The following MAP3K20 variants were observed in gnomAD, a reference collection of about 807,000 sequenced individuals.
MAP3K20 encodes the protein mitogen-activated protein kinase kinase kinase 20.
A neutral mutation model predicts 85.7 loss-of-function variants in MAP3K20; 40 were observed. The observed-to-expected ratio is 0.47, with a 90% CI of 0.36 to 0.61. The LOEUF is 0.61. Ranked by LOEUF, MAP3K20 falls within the 20% of genes least tolerant of loss-of-function variation. MAP3K20 has a pLI of 0.00. For missense variants in MAP3K20, 817 were observed against 961.7 expected (o/e 0.85, Z 1.99); for synonymous variants, 325 against 327.7 (o/e 0.99, Z 0.09).
At chr2:173,213,469 G>C (rs1033230980) in intron 10 of MAP3K20, among the ~76,000 whole-genome samples, 8 of 152,198 alleles carry the variant, frequency 5.3e-5, no homozygotes, top group African/African-American at 1.9e-4. Flanking sequence ...AAACAGGACT[G>C]TAATAGTAAT....
intron 16 of MAP3K20, among the ~76,000 whole-genome samples, chr2:173,257,184 C>T (rs1335001019): frequency 6.6e-6 from 1 of 151,948 alleles, no homozygotes; most frequent in Non-Finnish European, 1.5e-5. Flanking sequence ...TTTTAATAAT[C>T]ACTATAAAAT....
chr2:173,110,658 T>G (rs1307183721), intron 2 of MAP3K20, among the ~76,000 whole-genome samples: 1 of 152,028 alleles, frequency 6.6e-6, no homozygotes, highest in Non-Finnish European at 1.5e-5. Flanking sequence ...CACATATCAG[T>G]GAGAATATAT....
intron 2 of MAP3K20, among the ~76,000 whole-genome samples, chr2:173,156,941 A>C (rs1866635): frequency 0.99 from 151,020 of 152,278 alleles, 74,903 homozygotes; most frequent in Middle Eastern, 1. Context: ...ATCTATGGAC[A>C]CCTGGAATCT....
chr2:173,200,213 T>G (rs1691001977), intron 8 of MAP3K20, among the ~76,000 whole-genome samples: 1 of 152,212 alleles, frequency 6.6e-6, no homozygotes, highest in Non-Finnish European at 1.5e-5. Flanking sequence ...GAAATTAAGT[T>G]TCAATGTAAG....
chr2:173,097,593 C>T lies in MAP3K20; in HGVS notation c.159+6403C>T, dbSNP rs116436193. Among the ~76,000 whole-genome samples the T allele has an allele frequency of 4.9e-3, 739 of 152,204 alleles. 3 individuals carry two copies. The highest frequency in any genetic ancestry group is 7.9e-3 in the Non-Finnish European group (540 of 68,006). On this transcript the variant is annotated intron_variant, in intron 2 of 19. Coordinates refer to ENST00000375213, the MANE Select transcript of MAP3K20 (RefSeq NM_016653.3). ...TATATAAGGCCTTTTCTTCATCTGT[C>T]TTGGCTTTTGTAAGACACCACTACC...
chr2:173,117,228 C>G (rs966727281), intron 2 of MAP3K20, among the ~76,000 whole-genome samples: 1 of 152,086 alleles, frequency 6.6e-6, no homozygotes, highest in Non-Finnish European at 1.5e-5. Flanking sequence ...TTAAGAATGC[C>G]TGAAGAGTTT....
intron 16 of MAP3K20, among the ~76,000 whole-genome samples, chr2:173,255,149 G>A (rs772084250): frequency 6.6e-6 from 1 of 152,188 alleles, no homozygotes; most frequent in African/African-American, 2.4e-5. Context: ...CCTATTATTT[G>A]TATCAGTGTT....
At chr2:173,180,986 A>G (rs1347247245) in intron 3 of MAP3K20, among the ~76,000 whole-genome samples, 1 of 152,214 alleles carries the variant, frequency 6.6e-6, no homozygotes, top group Non-Finnish European at 1.5e-5. Context: ...TTTGCAAATC[A>G]TATATATGAC....
chr2:173,078,248 ACTT>A (rs1686920599), intron 1 of MAP3K20, among the ~76,000 whole-genome samples: 1 of 152,168 alleles, frequency 6.6e-6, no homozygotes, highest in South Asian at 2.1e-4. Context: ...GGGATATAAT[ACTT>A]CTTGGAATAA....
intron 2 of MAP3K20, among the ~76,000 whole-genome samples, chr2:173,103,687 A>G (rs1348468930): frequency 6.6e-6 from 1 of 152,238 alleles, no homozygotes; most frequent in East Asian, 1.9e-4. Flanking sequence ...GCCTACTGCT[A>G]ACACTTCCAG....
At chr2:173,137,824 A>G (rs1688839928) in intron 2 of MAP3K20, among the ~76,000 whole-genome samples, 1 of 152,220 alleles carries the variant, frequency 6.6e-6, no homozygotes, top group African/African-American at 2.4e-5. Flanking sequence ...TAAGTAACAG[A>G]AAGTAAAAGT....
intron 8 of MAP3K20, among the ~76,000 whole-genome samples, chr2:173,200,690 G>A (rs1691025350): frequency 6.6e-6 from 1 of 152,032 alleles, no homozygotes; most frequent in Admixed American, 6.5e-5. Flanking sequence ...CATCTACTGG[G>A]GAGACTGAGG....
At chr2:173,176,630 C>T (rs935007) in intron 3 of MAP3K20, among the ~76,000 whole-genome samples, 1 of 151,964 alleles carries the variant, frequency 6.6e-6, no homozygotes, top group African/African-American at 2.4e-5. Flanking sequence ...ACAATAAAGG[C>T]GGAACAGGAG....
In MAP3K20 at chr2:173,221,521, T is replaced by C. The variant is rs762812148; in HGVS notation, c.987+4271T>C. The C allele has an allele frequency of 5.1e-6, 8 of 1,555,490 alleles. No individual in the cohort carries two copies. The South Asian group carries it at 5.9e-5, about 11-fold the overall frequency. On this transcript the variant is annotated intron_variant, in intron 11 of 19. Coordinates refer to ENST00000375213, the MANE Select transcript of MAP3K20 (RefSeq NM_016653.3). ...AGGAGGAGGATAATGACATGGATAATAGTGAATGAAAGCAGAAAGCAAAGT... is the reference window on the plus strand; with the variant it reads ...AGGAGGAGGATAATGACATGGATAACAGTGAATGAAAGCAGAAAGCAAAGT...
intron 7 of MAP3K20, among the ~76,000 whole-genome samples, chr2:173,195,923 G>GAAAT (rs1309448685): frequency 6.6e-6 from 1 of 152,140 alleles, no homozygotes; most frequent in African/African-American, 2.4e-5. Flanking sequence ...AGCTCTCAGA[G>GAAAT]AAATATAACT....
intron 14 of MAP3K20, 130 bp from the exon 15 acceptor site, chr2:173,238,243 T>A (rs1574146575): frequency 1.4e-6 from 1 of 729,644 alleles, no homozygotes; most frequent in Non-Finnish European, 2.3e-6. Context: ...TAAATAGACG[T>A]TGGATATAAA....
At chr2:173,134,220 T>G (rs945969168) in intron 2 of MAP3K20, among the ~76,000 whole-genome samples, 2 of 140,938 alleles carry the variant, frequency 1.4e-5, no homozygotes, top group Non-Finnish European at 3.1e-5. Context: ...AGACAGAATC[T>G]CGCTCTGTCC....
chr2:173,155,443 A>C (rs558917168), intron 2 of MAP3K20, among the ~76,000 whole-genome samples: 1 of 152,352 alleles, frequency 6.6e-6, no homozygotes, highest in East Asian at 1.9e-4. Flanking sequence ...CACTGTCCTT[A>C]GCGCCAAAAA....
At chr2:173,235,445 G>A (rs934994741) in intron 14 of MAP3K20, among the ~76,000 whole-genome samples, 16 of 152,180 alleles carry the variant, frequency 1.1e-4, no homozygotes, top group Non-Finnish European at 2.4e-4. Flanking sequence ...ATGTGTGGCA[G>A]CATAGATGAG....
Sources: gnomAD v4.1 joint callset for allele counts (sites outside exome capture counted in the v4.1 genomes callset) on GRCh38, gnomAD v4.1.1 for gene constraint, MANE v1.5 for transcripts, NCBI Gene and HGNC (gene_info 2026-07-23, HGNC 2026-07-21) for gene names.